Variants in ADGRD2 observed in about 807,000 individuals in gnomAD.
The protein encoded by ADGRD2 is adhesion G protein-coupled receptor D2.
Under a neutral mutation model 44.4 loss-of-function variants are expected in ADGRD2, and 71 were observed. That is an observed-to-expected ratio of 1.60 (90% CI 1.32 to 1.95). The LOEUF is 1.95. ADGRD2 is among the 30% of genes most tolerant of loss of function. The pLI is 0.00. For synonymous variants in ADGRD2, 481 were observed against 224.8 expected (o/e 2.14, Z -10.19); for missense variants, 1,039 against 512.4 (o/e 2.03, Z -9.92).
At chr9:124,459,827 C>G (rs1254447146) in intron 10 of ADGRD2, among the ~76,000 whole-genome samples, 2 of 145,094 alleles carry the variant, frequency 1.4e-5, no homozygotes, top group African/African-American at 5.1e-5. Context: ...ATATAAAAAA[C>G]TTGAGCCTCA....
chr9:124,467,933 G>T, intron 12 of ADGRD2, 109 bp downstream of exon 15: 1 of 701,554 alleles, frequency 1.4e-6, no homozygotes, highest in South Asian at 1.5e-5. Context: ...CAGAACCTTG[G>T]TCTGAGCCTC....
chr9:124,452,755 G>A (rs1179322196), intron 2 of ADGRD2, 33 bp downstream of exon 5: 2 of 697,360 alleles, frequency 2.9e-6, no homozygotes, highest in African/African-American at 1.8e-5. Context: ...TGGGAGCAAG[G>A]GGCAGAGGCT....
At chr9:124,470,196 T>A (rs1266763473) in intron 16 of ADGRD2, among the ~76,000 whole-genome samples, 1 of 152,146 alleles carries the variant, frequency 6.6e-6, no homozygotes, top group African/African-American at 2.4e-5. Context: ...GTCCCACTGC[T>A]CAGGCCTCAG....
exon 3 of ADGRD2, chr9:124,453,070 A>C: frequency 1.5e-6 from 1 of 678,200 alleles, no homozygotes. Context: ...GTTCGACGAG[A>C]GGACGGCTGA....
chr9:124,470,229 C>A (rs188443057), intron 16 of ADGRD2, among the ~76,000 whole-genome samples: 100 of 152,340 alleles, frequency 6.6e-4, no homozygotes, highest in South Asian at 3.9e-3. Context: ...ACAACTACCA[C>A]CCCATTCCTT....
At chr9:124,469,633 C>T (rs956111935) in intron 16 of ADGRD2, 86 bp downstream of exon 19, 35 of 690,190 alleles carry the variant, frequency 5.1e-5, no homozygotes, top group Non-Finnish European at 8.3e-5. Context: ...GGCGAGAGCA[C>T]GTGCGAGTCT....
chr9:124,460,918 A>G (rs1831713702), intron 10 of ADGRD2, among the ~76,000 whole-genome samples: 1 of 152,128 alleles, frequency 6.6e-6, no homozygotes, highest in African/African-American at 2.4e-5. Flanking sequence ...TTACATTCCC[A>G]CTAGCAGCAT....
chr9:124,477,038 C>T (rs1177574312), intron 21 of ADGRD2: 1 of 601,482 alleles, frequency 1.7e-6, no homozygotes, highest in Non-Finnish European at 3.2e-6. Context: ...TTTCTCTGTC[C>T]TCCCCCTCTT....
At chr9:124,458,627 C>G (rs188778149) in exon 10 of ADGRD2, 1 of 718,816 alleles carries the variant, frequency 1.4e-6, no homozygotes, top group Non-Finnish European at 2.6e-6. Context: ...TTCCTAAGCA[C>G]CCAGGTGGGG....
In ADGRD2 at chr9:124,454,683, G is replaced by A; in HGVS notation, c.1108+114G>A. ...CACCTGGTGTGTCTGCAGGAATAAA[G>A]GCCATTCAGGCTCCCTATTCTGTAG... is the stretch of plus-strand genomic sequence containing the variant. On this transcript the variant is annotated intron_variant, in intron 5 of 21. Coordinates refer to ENST00000334810, the Ensembl canonical transcript of ADGRD2. This position sits in a 1 kb window ranked among gnomAD's most constrained non-coding sequence, Gnocchi z 4.5. 1.5e-6 allele frequency: 1 copy of A among 645,482 alleles called. No individual in the cohort carries two copies. The highest frequency in any genetic ancestry group is 1.7e-5 in the South Asian group (1 of 59,470). The allele number at this position is 645,482 out of a possible 1,614,324, so 40.0% of individuals were successfully genotyped here. A position where few individuals can be genotyped will look rare whatever the true frequency, so the allele number is the denominator to read the frequency against.
At chr9:124,474,548 G>A (rs1832010161) in intron 17 of ADGRD2, among the ~76,000 whole-genome samples, 1 of 152,132 alleles carries the variant, frequency 6.6e-6, no homozygotes, top group Admixed American at 6.5e-5. Flanking sequence ...GGACACCAGG[G>A]GGACCAGTCA....
upstream of ADGRD2, chr9:124,452,014 C>A: frequency 3.8e-6 from 2 of 519,506 alleles, no homozygotes; most frequent in Non-Finnish European, 7.3e-6. Context: ...TCCCACCCAC[C>A]CCCAGAGTAG....
intron 7 of ADGRD2, 55 bp from the exon 11 acceptor site, chr9:124,457,417 C>T: frequency 1.9e-6 from 1 of 534,420 alleles, no homozygotes; most frequent in Non-Finnish European, 3.4e-6. Context: ...GCTGGGCCTG[C>T]TCAGCAGAAA....
chr9:124,450,720 G>C (rs1341221712), upstream of ADGRD2, among the ~76,000 whole-genome samples: 2 of 152,250 alleles, frequency 1.3e-5, no homozygotes, highest in Non-Finnish European at 2.9e-5. Context: ...GAACGAGGGA[G>C]TGCTTTTCAG....
intron 7 of ADGRD2, 85 bp from the exon 11 acceptor site, chr9:124,457,387 G>T: frequency 2.1e-6 from 1 of 483,386 alleles, no homozygotes; most frequent in Non-Finnish European, 3.7e-6. Flanking sequence ...TGGCAGGAAG[G>T]AGGGATCCAG....
At chr9:124,457,157 G>T (rs1328039582) in intron 7 of ADGRD2, among the ~76,000 whole-genome samples, 1 of 152,252 alleles carries the variant, frequency 6.6e-6, no homozygotes, top group Admixed American at 6.5e-5. Flanking sequence ...GTGAATGTTT[G>T]TAGCCTGAAT....
intron 1 of ADGRD2, 178 bp downstream of exon 4, chr9:124,452,332 G>T: frequency 1.6e-6 from 1 of 641,226 alleles, no homozygotes; most frequent in Non-Finnish European, 2.9e-6. Context: ...TCCTGCCATT[G>T]CGCAGATGAC....
Position 124,462,935 on chromosome 9 carries a change from T to TCTC in ADGRD2, c.1871-3323_1871-3322insCTC, listed in dbSNP as rs1564140581. ...CCTTCCTGACTTTCTCTCTCTCTCT[T>TCTC]TCTCTCTCTCTCCTTCCTTCCTTCA... On this transcript the variant is annotated intron_variant, in intron 10 of 21. Transcript: ENST00000334810. 5.3e-3 allele frequency among the ~76,000 whole-genome samples: 786 copies of TCTC among 149,118 alleles called. 7 individuals are homozygous for TCTC. The highest frequency in any genetic ancestry group is 0.015 in the African/African-American group (594 of 40,122).
chr9:124,478,322 C>G (rs1832086366), exon 22 of ADGRD2: 1 of 152,394 alleles, frequency 6.6e-6, no homozygotes, highest in South Asian at 2.1e-4. Context: ...CAAACCCTGC[C>G]CAGCTCAGCT....
Sources: gnomAD v4.1 joint callset for allele counts (sites outside exome capture counted in the v4.1 genomes callset) on GRCh38, gnomAD v4.1.1 for gene constraint, Gnocchi (gnomAD v3.1) non-coding constraint, MANE v1.5 for transcripts, NCBI Gene and HGNC (gene_info 2026-07-23, HGNC 2026-07-21) for gene names.